The following SYT16 variants were observed in gnomAD, a reference collection of about 807,000 sequenced individuals.
SYT16 encodes synaptotagmin-16.
SYT16 carries 42 observed loss-of-function variants against 61.4 expected under a neutral mutation model. That is an observed-to-expected ratio of 0.68 (90% CI 0.53 to 0.89). The LOEUF (loss-of-function observed/expected upper bound fraction) is 0.89, where lower values mean the gene tolerates loss of function less well. Ranked by LOEUF, SYT16 falls within the 40% of genes least tolerant of loss-of-function variation. The pLI is 0.00. For missense variants in SYT16, 804 were observed against 807.3 expected (o/e 1.00, Z 0.05); for synonymous variants, 314 against 302.3 (o/e 1.04, Z -0.40).
chr14:62,074,476 T>G (rs1595353660), intron 4 of SYT16, among the ~76,000 whole-genome samples: 1 of 152,180 alleles, frequency 6.6e-6, no homozygotes, highest in South Asian at 2.1e-4. Flanking sequence ...GCCAGGCAGG[T>G]AAGCAAGCCT....
chr14:61,981,790 A>G (rs1201251296), intron 2 of SYT16, among the ~76,000 whole-genome samples: 1 of 152,160 alleles, frequency 6.6e-6, no homozygotes, highest in Non-Finnish European at 1.5e-5. Flanking sequence ...GCACGTTTAC[A>G]GTTGGAATAT....
chr14:61,823,925 A>G (rs2045694550), intron 1 of SYT16, among the ~76,000 whole-genome samples: 1 of 152,248 alleles, frequency 6.6e-6, no homozygotes, highest in Non-Finnish European at 1.5e-5. Context: ...AATGGAAAGT[A>G]CTGATTTGAT....
intron 1 of SYT16, among the ~76,000 whole-genome samples, chr14:61,927,950 C>CGT (rs1397362244): frequency 6.6e-6 from 1 of 152,112 alleles, no homozygotes; most frequent in East Asian, 1.9e-4. Context: ...GCTTTGCAGT[C>CGT]GTGAAAGTTC....
chr14:61,947,367 G>A (rs2050489241), intron 1 of SYT16, among the ~76,000 whole-genome samples: 1 of 149,682 alleles, frequency 6.7e-6, no homozygotes, highest in African/African-American at 2.5e-5. Flanking sequence ...TAAATTAACA[G>A]TTTTAAGATA....
chr14:62,017,357 T>A (rs1438886163), intron 3 of SYT16, among the ~76,000 whole-genome samples: 1 of 152,166 alleles, frequency 6.6e-6, no homozygotes, highest in Non-Finnish European at 1.5e-5. Flanking sequence ...TATCATCACA[T>A]CCTAATCTCA....
chr14:62,051,804 G>T (rs2055313619), intron 3 of SYT16, among the ~76,000 whole-genome samples: 1 of 152,176 alleles, frequency 6.6e-6, no homozygotes, highest in African/African-American at 2.4e-5. Context: ...GGCCAAGGCA[G>T]GTGGATCACC....
intron 1 of SYT16, among the ~76,000 whole-genome samples, chr14:61,816,711 G>C (rs1255197385): frequency 6.6e-6 from 1 of 151,988 alleles, no homozygotes; most frequent in Non-Finnish European, 1.5e-5. Context: ...TTCTTTCTTA[G>C]TTAAGAACTT....
intron 1 of SYT16, among the ~76,000 whole-genome samples, chr14:61,884,378 A>T (rs1227180419): frequency 6.6e-6 from 1 of 152,216 alleles, no homozygotes; most frequent in East Asian, 1.9e-4. Context: ...AAGTAAGTTA[A>T]TTATTACGTC....
chr14:62,076,937 A>G (rs752351388), intron 5 of SYT16, among the ~76,000 whole-genome samples: 3 of 152,190 alleles, frequency 2.0e-5, no homozygotes, highest in Non-Finnish European at 2.9e-5. Context: ...TCAGACTCCA[A>G]AAATACCCAG....
chr14:62,035,441 A>G (rs1342269119), intron 3 of SYT16, among the ~76,000 whole-genome samples: 1 of 152,238 alleles, frequency 6.6e-6, no homozygotes, highest in Non-Finnish European at 1.5e-5. Flanking sequence ...AGAGAAAAAG[A>G]ACATGAAGAT....
chr14:61,930,738 G>A (rs1205930703), intron 1 of SYT16, among the ~76,000 whole-genome samples: 1 of 151,886 alleles, frequency 6.6e-6, no homozygotes, highest in East Asian at 1.9e-4. Flanking sequence ...ATAATTACGA[G>A]TCTATGCAAG....
At chr14:61,960,217 G>GT (rs200113963) in intron 1 of SYT16, among the ~76,000 whole-genome samples, 2,043 of 152,240 alleles carry the variant, frequency 0.013, 24 homozygotes, top group Middle Eastern at 0.02. Flanking sequence ...TTTTAAAGTA[G>GT]TTTTTTCTGA....
chr14:62,080,792 A>G, intron 5 of SYT16, 42 bp from the exon 6 acceptor site: 3 of 1,545,866 alleles, frequency 1.9e-6, no homozygotes, highest in Non-Finnish European at 2.6e-6. Flanking sequence ...GTAATTGGGT[A>G]TCATCATTTC....
chr14:62,071,318 C>G (rs2056291202), intron 4 of SYT16, among the ~76,000 whole-genome samples: 2 of 152,198 alleles, frequency 1.3e-5, no homozygotes, highest in Admixed American at 1.3e-4. Context: ...CCCCATTTCC[C>G]AAAAGCCCAA....
At chr14:61,900,007 TCACA>T (rs1257948002) in intron 1 of SYT16, among the ~76,000 whole-genome samples, 1 of 152,182 alleles carries the variant, frequency 6.6e-6, no homozygotes, top group Non-Finnish European at 1.5e-5. Context: ...TTATCACATA[TCACA>T]CACTGTTGAA....
chr14:61,952,613 C>A (rs2050716675), intron 1 of SYT16, among the ~76,000 whole-genome samples: 1 of 152,180 alleles, frequency 6.6e-6, no homozygotes, highest in Non-Finnish European at 1.5e-5. Context: ...CTTATTTCAA[C>A]ACACATATTT....
rs904184414 is a variant in SYT16, at chr14:61,925,718, A to G, written c.-324-44414A>G. 2.0e-5 allele frequency among the ~76,000 whole-genome samples: 3 copies of G among 152,138 alleles called. No individual in the cohort carries two copies. In the East Asian group the frequency reaches 5.8e-4, roughly 29 times the overall value. ...ATTTTCTTCTAACATCTTATGATGC[A>G]ATGATTATGTTCCTCTCCCTTTTCA... On this transcript the variant is annotated intron_variant, in intron 1 of 7. Coordinates refer to ENST00000683842, the MANE Select transcript of SYT16 (RefSeq NM_001367656.1).
rs2046546300 is a variant in SYT16 at position 61,849,503 on chromosome 14, G to A, written c.-325+36693G>A. ...GCTGAAATTCAAGTTCTGACTGCTT[G>A]GATGGGTGATTTCCCTCTGATTAGG... On this transcript the variant is annotated intron_variant, in intron 1 of 7. Transcript: ENST00000683842. Among the ~76,000 whole-genome samples, 4 of 152,286 alleles carry A rather than the reference G, an allele frequency of 2.6e-5. No homozygotes were observed. In the South Asian group the frequency reaches 8.3e-4, roughly 32 times the overall value.
intron 3 of SYT16, among the ~76,000 whole-genome samples, chr14:62,041,518 AT>A (rs1460986007): frequency 6.6e-6 from 1 of 151,854 alleles, no homozygotes; most frequent in Non-Finnish European, 1.5e-5. Flanking sequence ...CCATTTTTTT[AT>A]TTTTTGAGAT....
Sources: allele counts gnomAD v4.1 joint callset (sites outside exome capture counted in the v4.1 genomes callset), GRCh38; gene constraint gnomAD v4.1.1; transcripts MANE v1.5; gene names NCBI Gene and HGNC (gene_info 2026-07-23, HGNC 2026-07-21).